The following MYH9 variants were observed in gnomAD, a reference collection of about 807,000 sequenced individuals.
MYH9 encodes the protein myosin heavy chain 9.
In MYH9, 29 loss-of-function variants were observed where a neutral mutation model predicts 241.9. The observed-to-expected ratio is 0.12, with a 90% CI of 0.09 to 0.16. MYH9 has a LOEUF of 0.16. Ranked by LOEUF, MYH9 falls within the 10% of genes least tolerant of loss-of-function variation. MYH9 has a pLI of 1.00. For missense variants in MYH9, 1,803 were observed against 2,595.5 expected, an observed-to-expected ratio of 0.69 and a Z score of 6.63; for synonymous variants, 1,047 against 1,062.6, an observed-to-expected ratio of 0.99 and a Z score of 0.29.
At chr22:36,379,370 G>C (rs1018825413) in intron 1 of MYH9, among the ~76,000 whole-genome samples, 5 of 152,210 alleles carry the variant, frequency 3.3e-5, no homozygotes, top group Non-Finnish European at 7.3e-5. Context: ...TTAGCCGGGC[G>C]TGGTGGCGGG....
In MYH9 at chr22:36,320,077, C is replaced by G; in HGVS notation, c.1012+143G>C. ...ACCTTGAACCTCAAATCTGAGGAAT[C>G]ATTTTCCCATACACTGAAGGCCTTC... is the stretch of plus-strand genomic sequence containing the variant. On this transcript the variant is annotated intron_variant, in intron 9 of 40. Coordinates refer to ENST00000216181, the MANE Select transcript of MYH9 (RefSeq NM_002473.6). The surrounding 1 kb of genome is among the most constrained non-coding windows in gnomAD (Gnocchi z 4.8). 8.8e-7 allele frequency: 1 copy of G among 1,138,144 alleles called. No homozygotes were observed. 70.5% of individuals were successfully genotyped at this position (1,138,144 alleles called of 1,614,324 possible). A position where few individuals can be genotyped will look rare whatever the true frequency, so the allele number is the denominator to read the frequency against.
chr22:36,381,336 G>A (rs1319519648), intron 1 of MYH9, among the ~76,000 whole-genome samples: 2 of 152,116 alleles, frequency 1.3e-5, no homozygotes, highest in South Asian at 4.2e-4. Context: ...GCAACATGGT[G>A]AAACCCCGTC....
intron 1 of MYH9, among the ~76,000 whole-genome samples, chr22:36,363,125 C>T (rs972097253): frequency 1.3e-5 from 2 of 152,200 alleles, no homozygotes; most frequent in Admixed American, 6.5e-5. Context: ...GACATGCCAT[C>T]GCCCCCAGGC....
chr22:36,352,754 AC>A (rs2017788342), intron 1 of MYH9, among the ~76,000 whole-genome samples: 2 of 151,692 alleles, frequency 1.3e-5, no homozygotes, highest in Admixed American at 6.6e-5. Context: ...CACCAGGGAC[AC>A]CCCCCGCCTC....
rs568902235 is a variant in MYH9, at chr22:36,305,296, T to C, written c.2160-194A>G. Among the ~76,000 whole-genome samples, 4 of 152,282 alleles carry C rather than the reference T, an allele frequency of 2.6e-5. No individual in the cohort carries two copies. The South Asian group carries it at 8.3e-4, about 32-fold the overall frequency. ...TTCGGCTGAATGAGACAAGGAAGCCTTGGTGTTTTCCGGAAAGTGAATGGA... is the reference window on the plus strand; with the variant it reads ...TTCGGCTGAATGAGACAAGGAAGCCCTGGTGTTTTCCGGAAAGTGAATGGA... On this transcript the variant is annotated intron_variant, in intron 17 of 40. Transcript: ENST00000216181. This position sits in a 1 kb window ranked among gnomAD's most constrained non-coding sequence, Gnocchi z 4.7.
chr22:36,319,875 T>A (rs1378347258), intron 9 of MYH9: 1 of 627,238 alleles, frequency 1.6e-6, no homozygotes, highest in East Asian at 2.8e-5. Flanking sequence ...CATGCTGGGC[T>A]TCACCAGCAC....
intron 21 of MYH9, 84 bp downstream of exon 21, chr22:36,301,450 C>A: frequency 6.3e-7 from 1 of 1,579,158 alleles, no homozygotes; most frequent in Non-Finnish European, 8.6e-7. Context: ...TAGAAACTTC[C>A]AGCATGCCGT....
chr22:36,374,159 G>T (rs758783097), intron 1 of MYH9, among the ~76,000 whole-genome samples: 52 of 152,090 alleles, frequency 3.4e-4, no homozygotes, highest in Non-Finnish European at 6.5e-4. Flanking sequence ...GAGGCAAGTG[G>T]ATCACCTGAA....
chr22:36,370,355 C>G (rs1170557605), intron 1 of MYH9, among the ~76,000 whole-genome samples: 1 of 152,214 alleles, frequency 6.6e-6, no homozygotes. Flanking sequence ...CACCCACATT[C>G]TAGTATGAAT....
intron 13 of MYH9, 35 bp downstream of exon 13, chr22:36,314,110 G>A: frequency 2.5e-6 from 4 of 1,604,598 alleles, no homozygotes. Flanking sequence ...AAAAGCCAGA[G>A]GCAGGTGTGA....
chr22:36,380,884 T>A (rs1358128588), intron 1 of MYH9, among the ~76,000 whole-genome samples: 1 of 152,122 alleles, frequency 6.6e-6, no homozygotes, highest in African/African-American at 2.4e-5. Context: ...TGCAAGAGGG[T>A]ATCCCAAAAC....
At chr22:36,321,871 G>T in intron 6 of MYH9, 50 bp from the exon 7 acceptor site, 1 of 1,516,908 alleles carries the variant, frequency 6.6e-7, no homozygotes, top group Non-Finnish European at 9.2e-7. Context: ...GACATGGGGA[G>T]CTAGAGAGCA....
rs34880972 is a variant in MYH9 at position 36,356,580 on chromosome 22, C to CAAA, written c.-19-7328_-19-7326dup. Among the ~76,000 whole-genome samples, 22 of 24,656 alleles carry CAAA rather than the reference C, an allele frequency of 8.9e-4. 1 individual carries two copies. The highest frequency in any genetic ancestry group is 1.3e-3 in the African/African-American group (10 of 7,866). 16.2% of individuals were successfully genotyped at this position (24,656 alleles called of 152,430 possible). Reference sequence around the variant, plus strand: ...TGGGCAACAGAGTGAGACTCCATCTCAAAAAAAAAAAAAAAAAAAAAAAAA... The same window carrying CAAA: ...TGGGCAACAGAGTGAGACTCCATCTCAAAAAAAAAAAAAAAAAAAAAAAAAAAA... On this transcript the variant is annotated intron_variant, in intron 1 of 40. Transcript: ENST00000216181.
Position 36,309,393 on chromosome 22 carries a change from C to A in MYH9, c.1732G>T (p.Asp578Tyr), listed in dbSNP as rs1292798556. The part of the protein sequence containing the change: ...FCIIHYAGKV[D>Y]YKADEWLMKN... ...ATCAGCCACTCGTCAGCTTTGTAAT[C>A]CACCTGGCGGGGTCAGAGAGGCAGG... Residue 578 changes from aspartate (D) to tyrosine (Y), a missense_variant, in exon 15 of 41, where the codon GAT becomes TAT. This residue lies in a region of MYH9 where 163 missense variants were observed against 349.7 expected (regional missense o/e 0.47). Coordinates refer to ENST00000216181, the MANE Select transcript of MYH9 (RefSeq NM_002473.6). 1 of 1,613,898 alleles carries A rather than the reference C, an allele frequency of 6.2e-7. No homozygotes were observed.
chr22:36,342,279 TG>T (rs779325839), intron 2 of MYH9, among the ~76,000 whole-genome samples: 3 of 152,218 alleles, frequency 2.0e-5, no homozygotes, highest in Non-Finnish European at 2.9e-5. Context: ...TCAGATATCC[TG>T]AGTTCAAATC....
chr22:36,342,149 T>C (rs2017600858), intron 2 of MYH9, among the ~76,000 whole-genome samples: 2 of 152,220 alleles, frequency 1.3e-5, no homozygotes, highest in South Asian at 4.1e-4. Context: ...CCCGTGAGCC[T>C]TCTCCAAGAC....
At position 36,295,893 on chromosome 22, in the gene MYH9, A is replaced by G. The variant is rs557424419; in HGVS notation, c.3273-176T>C. Reference sequence around the variant, plus strand: ...TCTGAGACAACCAGATTGAAGGGCAACACCCCTCTGAGAAGCAGAAAACCT... The same window carrying G: ...TCTGAGACAACCAGATTGAAGGGCAGCACCCCTCTGAGAAGCAGAAAACCT... On this transcript the variant is annotated intron_variant, in intron 25 of 40. Transcript: ENST00000216181. The surrounding 1 kb of genome is among the most constrained non-coding windows in gnomAD (Gnocchi z 4.1). Among the ~76,000 whole-genome samples, 6 of 152,238 alleles carry G rather than the reference A, an allele frequency of 3.9e-5. No individual in the cohort carries two copies. Among genetic ancestry groups the G allele is most frequent in the Admixed American group, 6.5e-5 (1 of 15,280 alleles).
intron 4 of MYH9, 23 bp from the exon 5 acceptor site, chr22:36,326,684 CCCGGG>C: frequency 6.2e-7 from 1 of 1,607,304 alleles, no homozygotes. Flanking sequence ...GCAAGGAAGT[CCCGGG>C]CTTAGGCATG....
chr22:36,375,721 A>C (rs1225846835), intron 1 of MYH9, among the ~76,000 whole-genome samples: 1 of 152,156 alleles, frequency 6.6e-6, no homozygotes, highest in African/African-American at 2.4e-5. Flanking sequence ...TCCATGTAAA[A>C]GCCCTAGCAT....
Sources: gnomAD v4.1 joint callset for allele counts (sites outside exome capture counted in the v4.1 genomes callset) on GRCh38, gnomAD v4.1.1 for gene constraint, gnomAD v4.1.1 regional missense constraint, Gnocchi (gnomAD v3.1) non-coding constraint, MANE v1.5 for transcripts, NCBI Gene and HGNC (gene_info 2026-07-23, HGNC 2026-07-21) for gene names.